Variants in TRIM34 observed in about 807,000 individuals in gnomAD.
TRIM34 encodes the protein E3 ubiquitin-protein ligase TRIM34.
A neutral mutation model predicts 38.1 loss-of-function variants in TRIM34; 41 were observed. The observed-to-expected ratio is 1.08, with a 90% CI of 0.84 to 1.40. The LOEUF (loss-of-function observed/expected upper bound fraction) is 1.40, where lower values mean the gene tolerates loss of function less well. Among genes scored for constraint, TRIM34 ranks in the 40% most tolerant of loss-of-function variants. TRIM34 has a pLI of 0.00. For missense variants in TRIM34, 556 were observed against 571.4 expected (o/e 0.97, Z 0.27); for synonymous variants, 200 against 202.5 (o/e 0.99, Z 0.10).
chr11:5,628,074 G>A (rs563669829), intron 1 of TRIM34, among the ~76,000 whole-genome samples: 2 of 152,216 alleles, frequency 1.3e-5, no homozygotes, highest in Admixed American at 6.5e-5. Flanking sequence ...TGCTGGGCTT[G>A]AGCCACACTG....
rs1401113885 is a variant in TRIM34, at chr11:5,643,490, C to A, written c.1248C>A (p.Ser416=). The part of the protein sequence containing the change: ...CKYGVFEESL[S]SDPEVLTLSM... ...ATGGTGTCTTTGAAGAGTCTTTGTC[C>A]TCTGATCCCGAGGTTTTGACTCTCT... The change falls in exon 8 of 8, where the codon TCC becomes TCA. Residue 416 remains serine, a synonymous_variant. Coordinates refer to ENST00000429814, the MANE Select transcript of TRIM34 (RefSeq NM_021616.6). 2 of 1,614,002 alleles carry A rather than the reference C, an allele frequency of 1.2e-6. No homozygotes were observed. The highest frequency in any genetic ancestry group is 3.3e-5 in the Admixed American group (2 of 60,000).
intron 3 of TRIM34, 105 bp from the exon 4 acceptor site, chr11:5,634,526 C>CATATATATATATATATATATATAT (rs1849631573): frequency 1.5e-6 from 1 of 651,142 alleles, no homozygotes; most frequent in African/African-American, 2.3e-5. Flanking sequence ...CACACACACA[C>CATATATATATATATATATATATAT]ACACATATAT....
chr11:5,620,985 T>C (rs78745637), upstream of TRIM34, among the ~76,000 whole-genome samples: 904 of 152,296 alleles, frequency 5.9e-3, 6 homozygotes, highest in African/African-American at 0.021. Context: ...TACTAGAATA[T>C]TTTTAGTCCC....
intron 6 of TRIM34, 136 bp downstream of exon 6, chr11:5,642,642 A>G: frequency 7.2e-7 from 1 of 1,390,002 alleles, no homozygotes; most frequent in Non-Finnish European, 9.7e-7. Flanking sequence ...TCTGTGGTGA[A>G]GAGGATGCAT....
chr11:5,635,710 T>C (rs141189251), intron 4 of TRIM34, among the ~76,000 whole-genome samples: 309 of 152,346 alleles, frequency 2.0e-3, no homozygotes, highest in African/African-American at 7.0e-3. Context: ...GAGTAACTGA[T>C]TTTCATTTGT....
chr11:5,640,598 C>A (rs1849965071), intron 4 of TRIM34, among the ~76,000 whole-genome samples: 1 of 151,958 alleles, frequency 6.6e-6, no homozygotes, highest in Non-Finnish European at 1.5e-5. Context: ...CTATGGTTTT[C>A]TTTTCTTGTG....
At chr11:5,622,289 C>CA (rs1466118943), upstream of TRIM34, among the ~76,000 whole-genome samples, 3 of 151,914 alleles carry the variant, frequency 2.0e-5, no homozygotes, top group Admixed American at 6.6e-5. Context: ...ATTAAAAATA[C>CA]AAAAAATTAG....
rs1404347878 is a variant in TRIM34 at position 5,644,003 on chromosome 11, G to T, written c.*294G>T. On this transcript the variant is annotated 3_prime_UTR_variant, in exon 8 of 8. Coordinates refer to ENST00000429814, the MANE Select transcript of TRIM34 (RefSeq NM_021616.6). ...TTCACTTTATCACTGATATGAAGAG[G>T]CCCAAAGCCTGTTAGCCACCATCCA... The T allele has an allele frequency of 4.3e-6, 2 of 467,242 alleles. No individual in the cohort carries two copies. Among genetic ancestry groups the T allele is most frequent in the Non-Finnish European group, 7.3e-6 (2 of 272,488 alleles). 28.9% of individuals were successfully genotyped at this position (467,242 alleles called of 1,614,324 possible). A position where few individuals can be genotyped will look rare whatever the true frequency, so the allele number is the denominator to read the frequency against.
upstream of TRIM34, among the ~76,000 whole-genome samples, chr11:5,622,394 G>A (rs994381939): frequency 3.3e-5 from 5 of 150,112 alleles, no homozygotes; most frequent in South Asian, 2.1e-4. Context: ...GTAGTGAGCC[G>A]AGATCACGCC....
chr11:5,640,691 C>T (rs990153027), intron 4 of TRIM34, among the ~76,000 whole-genome samples: 1 of 152,092 alleles, frequency 6.6e-6, no homozygotes, highest in Non-Finnish European at 1.5e-5. Context: ...CCCTGCTCTT[C>T]TTTATTTTTG....
In TRIM34 at chr11:5,643,319, T is replaced by A; in HGVS notation, c.1077T>A (p.Thr359=). The change falls in exon 8 of 8, where the codon ACT becomes ACA. Residue 359 remains threonine, a synonymous_variant. Coordinates refer to ENST00000429814, the MANE Select transcript of TRIM34 (RefSeq NM_021616.6). The stretch of plus-strand genomic sequence containing the variant: ...GGGAAGTGGACGTGTCCAAGAAAAC[T>A]GCCTGGATCCTGGGGGTATACTGTA... ...HYWEVDVSKK[T]AWILGVYCRT... 1 of 1,614,056 alleles carries A rather than the reference T, an allele frequency of 6.2e-7. No individual in the cohort carries two copies. The highest frequency in any genetic ancestry group is 8.5e-7 in the Non-Finnish European group (1 of 1,179,980).
chr11:5,629,592 G>A (rs1013197035), intron 1 of TRIM34, among the ~76,000 whole-genome samples: 2 of 152,148 alleles, frequency 1.3e-5, no homozygotes, highest in Non-Finnish European at 2.9e-5. Flanking sequence ...AGCAATAATT[G>A]CAGGTTTGTT....
At chr11:5,631,377 GGTA>G (rs1413238795) in intron 1 of TRIM34, among the ~76,000 whole-genome samples, 2 of 152,142 alleles carry the variant, frequency 1.3e-5, no homozygotes, top group Non-Finnish European at 2.9e-5. Flanking sequence ...GAACTCTGAG[GGTA>G]TTATGTTCAC....
intron 1 of TRIM34, among the ~76,000 whole-genome samples, chr11:5,629,366 G>A (rs1239863984): frequency 6.6e-6 from 1 of 152,186 alleles, no homozygotes; most frequent in Non-Finnish European, 1.5e-5. Context: ...CTGCAAAGAT[G>A]TGATTTTCAA....
At chr11:5,630,401 C>T (rs544916537) in intron 1 of TRIM34, among the ~76,000 whole-genome samples, 1 of 152,264 alleles carries the variant, frequency 6.6e-6, no homozygotes, top group South Asian at 2.1e-4. Context: ...TCCTCCCATC[C>T]CTGCCCCCAC....
At chr11:5,624,891 C>T (rs1432201460), upstream of TRIM34, 1 of 152,310 alleles carries the variant, frequency 6.6e-6, no homozygotes, top group Non-Finnish European at 1.5e-5. Context: ...CCCCTTTTCT[C>T]TTCCTGACAG....
intron 2 of TRIM34, among the ~76,000 whole-genome samples, chr11:5,633,131 C>T (rs184067052): frequency 7.0e-6 from 1 of 142,482 alleles, no homozygotes; most frequent in Non-Finnish European, 1.5e-5. Context: ...AGCCACCATG[C>T]CCGGCCTTTT....
chr11:5,634,775 G>T lies in TRIM34; in HGVS notation c.664G>T (p.Glu222Ter). 6.2e-7 allele frequency: 1 copy of T among 1,614,044 alleles called. No homozygotes were observed. The highest frequency in any genetic ancestry group is 1.1e-5 in the South Asian group (1 of 91,058). The change falls in exon 4 of 8, where the codon GAG (glutamate) becomes TAG (stop). Residue 222 changes from glutamate (E) to a stop codon, truncating the protein, a stop_gained. Coordinates refer to ENST00000429814, the MANE Select transcript of TRIM34 (RefSeq NM_021616.6). LOFTEE classifies it high-confidence loss of function. ...GGATAAGTTTGCAGAGGCTGAGGAT[G>T]AGCTAGTTCAGCAGAAGCAGTTGGT... Reference protein sequence around the residue: ...TLDKFAEAEDELVQQKQLVRE... With the variant: ...TLDKFAEAED
chr11:5,643,832 G>T lies in TRIM34; in HGVS notation c.*123G>T. On this transcript the variant is annotated 3_prime_UTR_variant, in exon 8 of 8. Transcript: ENST00000429814. ...TTCTTTAGAACTTTTACTCATCCTT[G>T]AGATGTATGGTGTATTTGGCTTGAG... 7.8e-7 allele frequency: 1 copy of T among 1,278,174 alleles called. No individual in the cohort carries two copies. Among genetic ancestry groups the T allele is most frequent in the Admixed American group, 2.4e-5 (1 of 41,578 alleles). 79.2% of individuals were successfully genotyped at this position (1,278,174 alleles called of 1,614,324 possible).
Sources: allele counts gnomAD v4.1 joint callset (sites outside exome capture counted in the v4.1 genomes callset), GRCh38; gene constraint gnomAD v4.1.1; transcripts MANE v1.5; gene names NCBI Gene and HGNC (gene_info 2026-07-23, HGNC 2026-07-21).